The following ABCA10 variants were observed in gnomAD, a reference collection of about 807,000 sequenced individuals.
ABCA10 encodes ATP-binding cassette sub-family A member 10.
In ABCA10, 169 loss-of-function variants were observed where a neutral mutation model predicts 187.5. The ratio of observed to expected loss-of-function variants is 0.90; its 90% CI spans 0.80 to 1.02. The LOEUF is 1.02. Among genes scored for constraint, ABCA10 ranks in the 50% least tolerant of loss-of-function variants. ABCA10 has a pLI of 0.00. For missense variants in ABCA10, 1,727 were observed against 1,812.4 expected (o/e 0.95, Z 0.86); for synonymous variants, 574 against 601.8 (o/e 0.95, Z 0.68).
intron 1 of ABCA10, among the ~76,000 whole-genome samples, chr17:69,244,104 T>C (rs1246796771): frequency 6.6e-6 from 1 of 152,192 alleles, no homozygotes; most frequent in Non-Finnish European, 1.5e-5. Context: ...GTTAAATATC[T>C]GAGAGTAACT....
intron 18 of ABCA10, 67 bp downstream of exon 18, chr17:69,190,291 A>G (rs2074450147): frequency 1.4e-6 from 2 of 1,458,372 alleles, no homozygotes; most frequent in Admixed American, 2.7e-5. Context: ...ACAAATATGA[A>G]TTAGAACATC....
intron 27 of ABCA10, 137 bp downstream of exon 27, chr17:69,163,937 G>T (rs1175849859): frequency 1.8e-6 from 1 of 563,226 alleles, no homozygotes; most frequent in South Asian, 3.4e-5. Flanking sequence ...TTTAGTTCTT[G>T]CTGCCATTAT....
In ABCA10 at chr17:69,153,412, G is replaced by T. The variant is rs758783431; in HGVS notation, c.4042-13C>A. 1.2e-6 allele frequency: 2 copies of T among 1,613,654 alleles called. No individual in the cohort carries two copies. The highest frequency in any genetic ancestry group is 1.7e-6 in the Non-Finnish European group (2 of 1,179,768). ...GCACAAAGCACAGCTGCAATGCAAG[G>T]AACAGCCCGTCGGCACCCAGCCATG... On this transcript the variant is annotated splice_polypyrimidine_tract_variant and intron_variant, in intron 33 of 38. Transcript: ENST00000690296.
Position 69,148,715 on chromosome 17 carries a change from G to T in ABCA10, c.*112C>A. ...ATGAAAACTGTAATCATTATTGAATGTTTATTAAATGTTTTCTTTTGTTAA... is the reference window on the plus strand; with the variant it reads ...ATGAAAACTGTAATCATTATTGAATTTTTATTAAATGTTTTCTTTTGTTAA... On this transcript the variant is annotated 3_prime_UTR_variant, in exon 39 of 39. Coordinates refer to ENST00000690296, the MANE Select transcript of ABCA10 (RefSeq NM_001377321.1). The T allele has an allele frequency of 2.2e-6, 2 of 913,638 alleles. No homozygotes were observed. The highest frequency in any genetic ancestry group is 1.6e-6 in the Non-Finnish European group (1 of 610,036). 56.6% of individuals were successfully genotyped at this position (913,638 alleles called of 1,614,324 possible). A position where few individuals can be genotyped will look rare whatever the true frequency, so the allele number is the denominator to read the frequency against.
At chr17:69,206,313 T>G (rs2074591455) in intron 9 of ABCA10, among the ~76,000 whole-genome samples, 1 of 152,108 alleles carries the variant, frequency 6.6e-6, no homozygotes, top group Admixed American at 6.6e-5. Flanking sequence ...AAAAATGAAG[T>G]TGGTACAGCA....
chr17:69,153,246 A>T (rs1290998467), intron 34 of ABCA10, 59 bp downstream of exon 34: 1 of 1,527,566 alleles, frequency 6.5e-7, no homozygotes, highest in African/African-American at 1.4e-5. Context: ...ACAAAAACAA[A>T]AACAAAATAT....
upstream of ABCA10, among the ~76,000 whole-genome samples, chr17:69,231,735 T>C (rs982718327): frequency 4.6e-5 from 7 of 152,186 alleles, no homozygotes; most frequent in Admixed American, 4.6e-4. Context: ...GAAGAATGTG[T>C]ATTCTGCAGC....
Position 69,153,400 on chromosome 17 carries a change from C to T in ABCA10, c.4042-1G>A. The T allele has an allele frequency of 6.2e-7, 1 of 1,613,622 alleles. No homozygotes were observed. Among genetic ancestry groups the T allele is most frequent in the Non-Finnish European group, 8.5e-7 (1 of 1,179,760 alleles). On this transcript the variant is annotated splice_acceptor_variant, in intron 33 of 38. Transcript: ENST00000690296. LOFTEE classifies it high-confidence loss of function. ...CCAGGATGCTCAGCACAAAGCACAG[C>T]TGCAATGCAAGGAACAGCCCGTCGG...
intron 1 of ABCA10, among the ~76,000 whole-genome samples, chr17:69,227,614 T>C (rs2074804465): frequency 6.6e-6 from 1 of 151,900 alleles, no homozygotes; most frequent in Admixed American, 6.6e-5. Flanking sequence ...TAGTAATTTT[T>C]AGAATCCAAA....
At chr17:69,186,005 C>T (rs878885704) in intron 19 of ABCA10, among the ~76,000 whole-genome samples, 1 of 152,204 alleles carries the variant, frequency 6.6e-6, no homozygotes, top group Admixed American at 6.5e-5. Flanking sequence ...CTATTTTACA[C>T]TGCAGCCTCA....
chr17:69,156,888 T>C lies in ABCA10; in HGVS notation c.3399A>G (p.Ile1133Met). 6.3e-7 allele frequency: 1 copy of C among 1,590,620 alleles called. No homozygotes were observed. The highest frequency in any genetic ancestry group is 8.6e-7 in the Non-Finnish European group (1 of 1,169,218). ...TTCCATACTTCATTTCCAGACACCTTATGACAAAAAGGAAAATAACACTCT... is the reference window on the plus strand; with the variant it reads ...TTCCATACTTCATTTCCAGACACCTCATGACAAAAAGGAAAATAACACTCT... ...YLQSVIFLFV[I>M]RCLEMKYGNE... Residue 1133 changes from isoleucine (I) to methionine (M), a missense_variant, in exon 28 of 39, where the codon ATA (isoleucine) becomes ATG (methionine). Transcript: ENST00000690296.
At chr17:69,149,136 G>A in intron 37 of ABCA10, 48 bp from the exon 38 acceptor site, 1 of 1,602,670 alleles carries the variant, frequency 6.2e-7, no homozygotes, top group Non-Finnish European at 8.5e-7. Context: ...TTTTCACCAA[G>A]TGTTTGTAAA....
chr17:69,204,054 A>G (rs975712584), intron 9 of ABCA10, among the ~76,000 whole-genome samples: 4 of 152,218 alleles, frequency 2.6e-5, no homozygotes, highest in Admixed American at 1.3e-4. Flanking sequence ...ATTCCCTATC[A>G]AGTGAAAATT....
rs1398078914 is a variant in ABCA10 at position 69,219,661 on chromosome 17, A to G, written c.414T>C (p.Phe138=). 4.3e-6 allele frequency: 7 copies of G among 1,610,874 alleles called. No individual in the cohort carries two copies. In the African/African-American group the frequency reaches 8.0e-5, roughly 18 times the overall value. Residue 138 remains phenylalanine, a synonymous_variant, in exon 6 of 39, where the codon TTT becomes TTC. Coordinates refer to ENST00000690296, the MANE Select transcript of ABCA10 (RefSeq NM_001377321.1). Reference sequence around the variant, plus strand: ...AAGAAGAGAAAGAAACTAAGCAAGTAAAATGAAACCATTCATTCATAATTT... The same window carrying G: ...AAGAAGAGAAAGAAACTAAGCAAGTGAAATGAAACCATTCATTCATAATTT... ...KGEIMNEWFH[F]TCLVSFSSFI... is the part of the protein sequence containing the mutation.
intron 38 of ABCA10, 39 bp from the exon 39 acceptor site, chr17:69,148,964 G>T (rs1445504446): frequency 1.2e-6 from 2 of 1,611,870 alleles, no homozygotes; most frequent in African/African-American, 1.3e-5. Context: ...AAAATGTCAG[G>T]GTGTGTCTGA....
intron 9 of ABCA10, among the ~76,000 whole-genome samples, chr17:69,212,342 T>C (rs1403169660): frequency 1.3e-5 from 2 of 152,198 alleles, no homozygotes; most frequent in Admixed American, 6.5e-5. Context: ...TCTGAGACAG[T>C]GCTTGATATA....
chr17:69,201,481 C>A lies in ABCA10; in HGVS notation c.1175+19G>T. ...GCTTTTACCTATAAGTGTACATAGT[C>A]ATGTAATTTCTTAGTTACCTTATGG... On this transcript the variant is annotated intron_variant, in intron 10 of 38. Transcript: ENST00000690296. 2 of 1,551,394 alleles carry A rather than the reference C, an allele frequency of 1.3e-6. No homozygotes were observed. Among genetic ancestry groups the A allele is most frequent in the South Asian group, 2.5e-5 (2 of 78,808 alleles).
chr17:69,174,285 A>C lies in ABCA10; in HGVS notation c.3158T>G (p.Phe1053Cys), dbSNP rs1387268938. The C allele has an allele frequency of 6.9e-6, 11 of 1,587,930 alleles. No individual in the cohort carries two copies. Among genetic ancestry groups the C allele is most frequent in the Non-Finnish European group, 9.4e-6 (11 of 1,167,944 alleles). Residue 1053 changes from phenylalanine (F) to cysteine (C), a missense_variant, in exon 25 of 39, where the codon TTT becomes TGT. Physicochemically the swap from Phe to Cys is radical, Grantham distance 205 (BLOSUM62 -2). Transcript: ENST00000690296. ...KNNGFWSFGF[F>C]IILICVSTIM... is the part of the protein sequence containing the mutation. ...CACGCATGTATATATACTTACAATA[A>C]AAAAGCCAAAAGACCAAAAGCCATT...
In ABCA10 at chr17:69,149,979, C is replaced by G. The variant is rs1598081799; in HGVS notation, c.4477+5G>C. On this transcript the variant is annotated splice_donor_5th_base_variant and intron_variant, in intron 37 of 38. Coordinates refer to ENST00000690296, the MANE Select transcript of ABCA10 (RefSeq NM_001377321.1). ...AAAGTCTTATTTATATATACCCAAA[C>G]TTACTCGCCTCTAACTTGAAAAAGG... The G allele has an allele frequency of 6.2e-7, 1 of 1,601,784 alleles. No individual in the cohort carries two copies. The highest frequency in any genetic ancestry group is 2.2e-5 in the East Asian group (1 of 44,754).
Sources: allele counts gnomAD v4.1 joint callset (sites outside exome capture counted in the v4.1 genomes callset), GRCh38; gene constraint gnomAD v4.1.1; transcripts MANE v1.5; gene names NCBI Gene and HGNC (gene_info 2026-07-23, HGNC 2026-07-21).